RIMBP2: variants seen among roughly 807,000 people sequenced by gnomAD.
RIMBP2 encodes RIMS binding protein 2.
A neutral mutation model predicts 118.6 loss-of-function variants in RIMBP2; 48 were observed. That is an observed-to-expected ratio of 0.40 (90% confidence interval 0.32 to 0.51). The LOEUF (loss-of-function observed/expected upper bound fraction) is 0.51, where lower values mean the gene tolerates loss of function less well. RIMBP2 is among the 20% of genes least tolerant of loss of function. RIMBP2 has a pLI of 0.41. For synonymous variants in RIMBP2, 762 were observed against 742.9 expected, an observed-to-expected ratio of 1.03 and a Z score of -0.42; for missense variants, 1,551 against 1,768.3, an observed-to-expected ratio of 0.88 and a Z score of 2.20.
chr12:130,715,576 T>A (rs1465240672), intron 1 of RIMBP2, among the ~76,000 whole-genome samples: 1 of 152,174 alleles, frequency 6.6e-6, no homozygotes. Flanking sequence ...CGCACACTGC[T>A]CACACAGGCA....
chr12:130,481,083 GC>G (rs1348185959), intron 4 of RIMBP2, among the ~76,000 whole-genome samples: 1 of 152,048 alleles, frequency 6.6e-6, no homozygotes, highest in Non-Finnish European at 1.5e-5. Flanking sequence ...GCTGAGACTG[GC>G]AAGCTGTGAG....
intron 2 of RIMBP2, among the ~76,000 whole-genome samples, chr12:130,560,015 G>A (rs578135488): frequency 6.6e-6 from 1 of 152,320 alleles, no homozygotes; most frequent in South Asian, 2.1e-4. Context: ...GGAGCAGGGG[G>A]TGATTTGCTT....
rs1469898003 is a variant in RIMBP2 at position 130,683,770 on chromosome 12, C to T, written c.-352+32452G>A. Among the ~76,000 whole-genome samples, 1 of 152,144 alleles carries T rather than the reference C, an allele frequency of 6.6e-6. No homozygotes were observed. The highest frequency in any genetic ancestry group is 1.5e-5 in the Non-Finnish European group (1 of 68,030). ...CGCCATGGCAATGTCAGGAAGTTAC[C>T]CTATATGGTCTAGAAAGGGGAGGTA... On this transcript the variant is annotated intron_variant, in intron 1 of 22. Coordinates refer to ENST00000690449, the MANE Select transcript of RIMBP2 (RefSeq NM_001393629.1). The surrounding 1 kb of genome is among the most constrained non-coding windows in gnomAD (Gnocchi z 4.4).
Position 130,424,148 on chromosome 12 carries a change from G to T in RIMBP2, c.3123C>A (p.Gly1041=). ...GGAAGTTTAGGTCACACACCAGGGG[G>T]CCTTGTGCGACTCTGGGAGGTGGCT... ...HAKPPPRVAQ[G]PLILGNPASA... Residue 1041 remains glycine (G), a synonymous_variant, in exon 16 of 23, where the codon GGC becomes GGA. Coordinates refer to ENST00000690449, the MANE Select transcript of RIMBP2 (RefSeq NM_001393629.1). This position sits in a 1 kb window ranked among gnomAD's most constrained non-coding sequence, Gnocchi z 9.8. The T allele has an allele frequency of 8.1e-7, 1 of 1,228,944 alleles. No individual in the cohort carries two copies. The highest frequency in any genetic ancestry group is 1.0e-6 in the Non-Finnish European group (1 of 985,058). 76.1% of individuals were successfully genotyped at this position (1,228,944 alleles called of 1,614,324 possible).
At chr12:130,528,184 T>C (rs1333442126) in intron 2 of RIMBP2, among the ~76,000 whole-genome samples, 1 of 152,084 alleles carries the variant, frequency 6.6e-6, no homozygotes, top group Non-Finnish European at 1.5e-5. Flanking sequence ...AGCAAAGACA[T>C]GGAATCAACC....
intron 1 of RIMBP2, among the ~76,000 whole-genome samples, chr12:130,714,105 T>G (rs1950158079): frequency 6.6e-6 from 1 of 152,186 alleles, no homozygotes; most frequent in Non-Finnish European, 1.5e-5. Context: ...AATTAAAACT[T>G]CAACCAGACT....
At position 130,532,581 on chromosome 12, in the gene RIMBP2, T is replaced by G. The variant is rs1332429101; in HGVS notation, c.-216-14664A>C. ...GTTACGTCTAATGAGATGCGTATGT[T>G]TAGCCTCTAGGAGTTACGTCTAATG... On this transcript the variant is annotated intron_variant, in intron 2 of 22. Coordinates refer to ENST00000690449, the MANE Select transcript of RIMBP2 (RefSeq NM_001393629.1). 4.9e-5 allele frequency among the ~76,000 whole-genome samples: 7 copies of G among 142,146 alleles called. No individual in the cohort carries two copies. The East Asian group carries it at 1.1e-3, about 23-fold the overall frequency. 93.3% of individuals were successfully genotyped at this position (142,146 alleles called of 152,430 possible). A position where few individuals can be genotyped will look rare whatever the true frequency, so the allele number is the denominator to read the frequency against.
At chr12:130,495,369 T>C (rs1435527637) in intron 4 of RIMBP2, among the ~76,000 whole-genome samples, 1 of 152,048 alleles carries the variant, frequency 6.6e-6, no homozygotes, top group Non-Finnish European at 1.5e-5. Flanking sequence ...CTTGCCCCTG[T>C]GAGATTTCCC....
chr12:130,442,177 C>T lies in RIMBP2; in HGVS notation c.1175G>A (p.Gly392Asp). 6.2e-7 allele frequency: 1 copy of T among 1,614,204 alleles called. No individual in the cohort carries two copies. The highest frequency in any genetic ancestry group is 1.1e-5 in the South Asian group (1 of 91,082). The change falls in exon 11 of 23, where the codon GGC becomes GAC. Residue 392 changes from glycine to aspartate, a missense_variant. By Grantham distance (94) the Gly-to-Asp change is moderately conservative (BLOSUM62 -1). Coordinates refer to ENST00000690449, the MANE Select transcript of RIMBP2 (RefSeq NM_001393629.1). The surrounding 1 kb of genome is among the most constrained non-coding windows in gnomAD (Gnocchi z 6.9). ...CGTGCACTGCAGCTCATCCGAGCTG[C>T]CCCTGCTGGTGACGCACTGCACGGA... The part of the protein sequence containing the change: ...RISVQCVTSR[G>D]SSDELQCTLL...
chr12:130,646,046 T>TCCACCTCCCTCACCACCTCCCTCA (rs1405745795), intron 1 of RIMBP2, among the ~76,000 whole-genome samples: 1 of 111,528 alleles, frequency 9.0e-6, no homozygotes, highest in Non-Finnish European at 2.0e-5. Context: ...CAGTTCCCTC[T>TCCACCTCCCTCACCACCTCCCTCA]CCACCTCCCT....
chr12:130,456,453 T>C lies in RIMBP2; in HGVS notation c.358+43A>G, dbSNP rs368367998. On this transcript the variant is annotated intron_variant, in intron 7 of 22. Transcript: ENST00000690449. Reference sequence around the variant, plus strand: ...CACCCTCGCAGGCAGCCAACGGCCATTCTCTCCCCACCACAGCCAAGGCGG... The same window carrying C: ...CACCCTCGCAGGCAGCCAACGGCCACTCTCTCCCCACCACAGCCAAGGCGG... The C allele has an allele frequency of 4.4e-4, 659 of 1,513,704 alleles. 2 individuals carry two copies. Among genetic ancestry groups the C allele is most frequent in the Middle Eastern group, 2.1e-3 (9 of 4,206 alleles). 93.8% of individuals were successfully genotyped at this position (1,513,704 alleles called of 1,614,324 possible).
intron 2 of RIMBP2, among the ~76,000 whole-genome samples, chr12:130,535,356 T>A (rs149655786): frequency 4.1e-5 from 6 of 147,990 alleles, no homozygotes; most frequent in African/African-American, 7.4e-5. Flanking sequence ...AAAAAAAAAA[T>A]TGTTTTTAAT....
At chr12:130,692,359 G>T (rs977667553) in intron 1 of RIMBP2, among the ~76,000 whole-genome samples, 1 of 152,056 alleles carries the variant, frequency 6.6e-6, no homozygotes, top group African/African-American at 2.4e-5. Context: ...CCCACTGCTT[G>T]TTTATAACAA....
chr12:130,435,354 C>T (rs1418109173), intron 13 of RIMBP2, among the ~76,000 whole-genome samples: 1 of 152,184 alleles, frequency 6.6e-6, no homozygotes, highest in East Asian at 1.9e-4. Flanking sequence ...TCTTTTTAAC[C>T]TTTGAGGTAA....
At chr12:130,517,395 A>C (rs879125086) in intron 3 of RIMBP2, among the ~76,000 whole-genome samples, 2 of 152,146 alleles carry the variant, frequency 1.3e-5, no homozygotes, top group Non-Finnish European at 2.9e-5. Flanking sequence ...TTTATAAAGT[A>C]CCAAGTTTCA....
At chr12:130,574,149 A>G (rs1178055791) in intron 2 of RIMBP2, among the ~76,000 whole-genome samples, 1 of 152,226 alleles carries the variant, frequency 6.6e-6, no homozygotes, top group Non-Finnish European at 1.5e-5. Flanking sequence ...AATCTAAATG[A>G]GAAAAAATTA....
At chr12:130,495,538 C>A (rs1001234831) in intron 4 of RIMBP2, among the ~76,000 whole-genome samples, 2 of 152,224 alleles carry the variant, frequency 1.3e-5, no homozygotes, top group African/African-American at 4.8e-5. Context: ...TATCTATTTG[C>A]TGGATGACCT....
At chr12:130,701,538 A>G (rs1037971285) in intron 1 of RIMBP2, among the ~76,000 whole-genome samples, 1 of 152,052 alleles carries the variant, frequency 6.6e-6, no homozygotes, top group African/African-American at 2.4e-5. Context: ...AAACCTTCAC[A>G]GTCAGGCCCG....
At chr12:130,449,837 C>T (rs980398787) in intron 9 of RIMBP2, among the ~76,000 whole-genome samples, 2 of 152,014 alleles carry the variant, frequency 1.3e-5, no homozygotes, top group African/African-American at 2.4e-5. Context: ...CAGCTACAAG[C>T]CAGGGCCGCC....
Sources: gnomAD v4.1 joint callset for allele counts (sites outside exome capture counted in the v4.1 genomes callset) on GRCh38, gnomAD v4.1.1 for gene constraint, Gnocchi (gnomAD v3.1) non-coding constraint, MANE v1.5 for transcripts, NCBI Gene and HGNC (gene_info 2026-07-23, HGNC 2026-07-21) for gene names.